Variants in TENM1 observed in about 807,000 individuals in gnomAD.
TENM1 encodes teneurin-1.
TENM1 carries 35 observed loss-of-function variants against 174.8 expected under a neutral mutation model. The ratio of observed to expected loss-of-function variants is 0.20; its 90% CI spans 0.15 to 0.27. TENM1 has a LOEUF of 0.27. Ranked by LOEUF, TENM1 falls within the 10% of genes least tolerant of loss-of-function variation. The pLI is 1.00. For missense variants in TENM1, 1,633 were observed against 2,130.1 expected, an observed-to-expected ratio of 0.77 and a Z score of 4.59; for synonymous variants, 781 against 798.7, an observed-to-expected ratio of 0.98 and a Z score of 0.37.
the TENM1 span, among the ~76,000 whole-genome samples, chrX:125,101,286 A>C: frequency 9.0e-6 from 1 of 111,590 alleles, no homozygotes; most frequent in Non-Finnish European, 1.9e-5. Context: ...ACAACAAAAC[A>C]ACCAATTTTT....
At chrX:124,415,643 G>A (rs1222956090) in intron 25 of TENM1, among the ~76,000 whole-genome samples, 4 of 111,406 alleles carry the variant, frequency 3.6e-5, no homozygotes, top group African/African-American at 1.3e-4. Flanking sequence ...GTCTCTTTGT[G>A]GCCATAAAAT....
chrX:124,594,187 G>C (rs1290780307), intron 11 of TENM1, among the ~76,000 whole-genome samples: 2 of 111,703 alleles, frequency 1.8e-5, no homozygotes, highest in African/African-American at 6.5e-5. Context: ...GTCACAGAGG[G>C]AAGCTCTCTG....
intron 3 of TENM1, among the ~76,000 whole-genome samples, chrX:124,749,183 C>T (rs1291098523): frequency 9.0e-6 from 1 of 111,400 alleles, no homozygotes; most frequent in Non-Finnish European, 1.9e-5. Context: ...TCCTCTTCCT[C>T]CAAGCCACAC....
At chrX:125,181,683 G>A in the TENM1 span, among the ~76,000 whole-genome samples, 2 of 111,881 alleles carry the variant, frequency 1.8e-5, no homozygotes, top group Non-Finnish European at 3.8e-5. Context: ...GGGATAGGAG[G>A]AGGGAGCACA....
chrX:124,518,196 T>A (rs1162515014), intron 18 of TENM1, among the ~76,000 whole-genome samples: 1 of 110,527 alleles, frequency 9.0e-6, no homozygotes, highest in African/African-American at 3.3e-5. Context: ...GGGGCTGCTA[T>A]TGTCTAATGT....
intron 15 of TENM1, among the ~76,000 whole-genome samples, chrX:124,532,603 T>A (rs2048130979): frequency 8.9e-6 from 1 of 111,964 alleles, no homozygotes; most frequent in Non-Finnish European, 1.9e-5. Context: ...ACTGTCTACC[T>A]GTTCTTCTTT....
At chrX:124,706,149 C>T (rs1294817358) in intron 4 of TENM1, among the ~76,000 whole-genome samples, 1 of 112,113 alleles carries the variant, frequency 8.9e-6, no homozygotes, top group Non-Finnish European at 1.9e-5. Context: ...GTGGTCCGCC[C>T]GCCTAGCCTC....
chrX:124,948,710 GC>G (rs1282542306), intron 1 of TENM1, among the ~76,000 whole-genome samples: 1 of 111,854 alleles, frequency 8.9e-6, no homozygotes, highest in East Asian at 2.8e-4. Context: ...CTGCCACCAT[GC>G]CCAGCTAATT....
At chrX:125,019,710 G>T in the TENM1 span, among the ~76,000 whole-genome samples, 1 of 110,773 alleles carries the variant, frequency 9.0e-6, no homozygotes, top group Admixed American at 9.7e-5. Context: ...TCTCTGGGCG[G>T]CCTTGAGCAA....
At chrX:124,981,049 C>A in the TENM1 span, among the ~76,000 whole-genome samples, 22 of 111,704 alleles carry the variant, frequency 2.0e-4, no homozygotes, top group Non-Finnish European at 3.2e-4. Flanking sequence ...ATTAATAGTA[C>A]CTTGTACTTT....
chrX:124,507,672 G>A (rs923946050), intron 18 of TENM1, among the ~76,000 whole-genome samples: 1 of 111,762 alleles, frequency 8.9e-6, no homozygotes, highest in African/African-American at 3.3e-5. Flanking sequence ...GGGTCACGGC[G>A]TCCCTGATAA....
chrX:124,441,910 C>T (rs770599410), intron 23 of TENM1, among the ~76,000 whole-genome samples: 49 of 112,016 alleles, frequency 4.4e-4, no homozygotes, highest in Middle Eastern at 4.6e-3. Flanking sequence ...TTTTTCGTTC[C>T]ATTCTACTAC....
chrX:124,998,836 A>G, the TENM1 span, among the ~76,000 whole-genome samples: 2 of 111,784 alleles, frequency 1.8e-5, no homozygotes, highest in Non-Finnish European at 3.8e-5. Context: ...TCTTTAGTCA[A>G]TTAGGAAACC....
At chrX:124,611,749 G>C (rs933681066) in intron 11 of TENM1, among the ~76,000 whole-genome samples, 1 of 111,913 alleles carries the variant, frequency 8.9e-6, no homozygotes, top group Admixed American at 9.5e-5. Context: ...CTGTGATACA[G>C]AAAATCTTCA....
the TENM1 span, among the ~76,000 whole-genome samples, chrX:125,046,530 T>C: frequency 8.9e-6 from 1 of 112,239 alleles, no homozygotes; most frequent in Non-Finnish European, 1.9e-5. Flanking sequence ...AAGGTTGAAG[T>C]TCCATCCTCA....
At chrX:124,718,032 T>C (rs1285050396) in intron 4 of TENM1, among the ~76,000 whole-genome samples, 1 of 112,617 alleles carries the variant, frequency 8.9e-6, no homozygotes, top group Admixed American at 9.4e-5. Flanking sequence ...ACTGCTATTG[T>C]CTACAATGCC....
chrX:124,583,265 G>A (rs1307071667), intron 11 of TENM1, among the ~76,000 whole-genome samples: 1 of 111,675 alleles, frequency 9.0e-6, no homozygotes, highest in Non-Finnish European at 1.9e-5. Flanking sequence ...CCCCCGAGCA[G>A]CCTAACTGGG....
intron 16 of TENM1, among the ~76,000 whole-genome samples, chrX:124,526,434 C>T (rs939701562): frequency 1.2e-4 from 13 of 112,221 alleles, no homozygotes; most frequent in Non-Finnish European, 2.3e-4. Flanking sequence ...CACTTCTCAT[C>T]TTTCCACCTC....
intron 3 of TENM1, among the ~76,000 whole-genome samples, chrX:124,792,912 T>C (rs763987139): frequency 8.9e-6 from 1 of 112,255 alleles, no homozygotes; most frequent in African/African-American, 3.2e-5. Flanking sequence ...AGTTTGAAAA[T>C]AGACTAATTT....
Sources: allele counts gnomAD v4.1 joint callset (sites outside exome capture counted in the v4.1 genomes callset), GRCh38; gene constraint gnomAD v4.1.1; transcripts MANE v1.5; gene names NCBI Gene and HGNC (gene_info 2026-07-23, HGNC 2026-07-21).